The following ZNF385D variants were observed in gnomAD, a reference collection of about 807,000 sequenced individuals.
ZNF385D encodes the protein zinc finger protein 659.
ZNF385D carries 15 observed loss-of-function variants against 35.8 expected under a neutral mutation model. The ratio of observed to expected loss-of-function variants is 0.42; its 90% confidence interval spans 0.28 to 0.64. The LOEUF is 0.64. Among genes scored for constraint, ZNF385D ranks in the 30% least tolerant of loss-of-function variants. ZNF385D has a pLI of 0.23. For synonymous variants in ZNF385D, 212 were observed against 186.8 expected (o/e 1.13, Z -1.10); for missense variants, 474 against 494.6 (o/e 0.96, Z 0.39).
At chr3:21,421,546 A>C (rs1038278374) in intron 7 of ZNF385D, 99 bp from the exon 8 acceptor site, 2 of 735,872 alleles carry the variant, frequency 2.7e-6, no homozygotes, top group Non-Finnish European at 2.2e-6. Context: ...GCAGTAAACA[A>C]CTATAAAGAA....
intron 2 of ZNF385D, among the ~76,000 whole-genome samples, chr3:21,567,072 A>C (rs1204507370): frequency 6.6e-6 from 1 of 152,122 alleles, no homozygotes; most frequent in African/African-American, 2.4e-5. Context: ...GTAAGGATGC[A>C]CTACATGTAT....
intron 4 of ZNF385D, among the ~76,000 whole-genome samples, chr3:21,502,866 C>T (rs983812494): frequency 2.0e-5 from 3 of 152,172 alleles, no homozygotes; most frequent in African/African-American, 7.2e-5. Flanking sequence ...GCACTCCAGG[C>T]ACAAATGGTT....
At chr3:21,706,400 C>CA (rs1443597621) in intron 1 of ZNF385D, among the ~76,000 whole-genome samples, 1 of 151,150 alleles carries the variant, frequency 6.6e-6, no homozygotes, top group Non-Finnish European at 1.5e-5. Context: ...TATATTTCTC[C>CA]AAAAAAAAGT....
intron 1 of ZNF385D, among the ~76,000 whole-genome samples, chr3:21,723,034 C>T (rs905806996): frequency 6.6e-6 from 1 of 152,148 alleles, no homozygotes; most frequent in Non-Finnish European, 1.5e-5. Context: ...CAGAGCTGAG[C>T]CTGCTCATGT....
chr3:21,573,433 T>A (rs1313800863), intron 2 of ZNF385D, among the ~76,000 whole-genome samples: 1 of 151,836 alleles, frequency 6.6e-6, no homozygotes, highest in Non-Finnish European at 1.5e-5. Context: ...TTGGGAAAAA[T>A]GGAGAAAAAT....
At chr3:21,607,322 A>T (rs994752448) in intron 2 of ZNF385D, among the ~76,000 whole-genome samples, 2 of 152,202 alleles carry the variant, frequency 1.3e-5, no homozygotes, top group Non-Finnish European at 2.9e-5. Flanking sequence ...AGTGGCATTT[A>T]TTTTTATTGT....
chr3:21,551,715 C>T (rs2062573507), intron 3 of ZNF385D, among the ~76,000 whole-genome samples: 3 of 151,960 alleles, frequency 2.0e-5, no homozygotes, highest in Admixed American at 2.0e-4. Context: ...TCCACATAAC[C>T]CCATGTATGT....
intron 2 of ZNF385D, among the ~76,000 whole-genome samples, chr3:22,223,621 A>T (rs1028277301): frequency 2.0e-5 from 3 of 152,170 alleles, no homozygotes; most frequent in Non-Finnish European, 4.4e-5. Flanking sequence ...AGTGTTAATT[A>T]AAAGCATACT....
intron 2 of ZNF385D, among the ~76,000 whole-genome samples, chr3:22,250,425 G>GA (rs540307874): frequency 1.6e-4 from 24 of 152,008 alleles, no homozygotes; most frequent in Non-Finnish European, 2.4e-4. Context: ...ATAAGCAGAA[G>GA]AAAAAAATGC....
intron 3 of ZNF385D, among the ~76,000 whole-genome samples, chr3:22,101,846 G>A (rs1701960358): frequency 6.6e-6 from 1 of 151,838 alleles, no homozygotes; most frequent in South Asian, 2.1e-4. Flanking sequence ...TAAATCATCT[G>A]GTGACTATAT....
chr3:21,948,186 T>G (rs1701888874), intron 3 of ZNF385D, among the ~76,000 whole-genome samples: 1 of 152,144 alleles, frequency 6.6e-6, no homozygotes, highest in Admixed American at 6.5e-5. Flanking sequence ...TCTTCTCTTT[T>G]CTTAATTATA....
At chr3:22,138,458 C>T (rs944899523) in intron 3 of ZNF385D, among the ~76,000 whole-genome samples, 4 of 151,966 alleles carry the variant, frequency 2.6e-5, no homozygotes, top group African/African-American at 9.7e-5. Flanking sequence ...GGTACTGGTA[C>T]CAAAACAGAG....
chr3:21,941,490 C>CTTTT (rs531693623), intron 3 of ZNF385D, among the ~76,000 whole-genome samples: 37 of 63,604 alleles, frequency 5.8e-4, no homozygotes, highest in African/African-American at 1.2e-3. Context: ...TTCCATTACT[C>CTTTT]TTTTTTTTTT....
chr3:21,840,513 A>T (rs1203776809), intron 3 of ZNF385D, among the ~76,000 whole-genome samples: 1 of 152,048 alleles, frequency 6.6e-6, no homozygotes, highest in Non-Finnish European at 1.5e-5. Flanking sequence ...GAATAACGGT[A>T]TGCCCAATAC....
At chr3:21,610,338 T>C (rs1349389591) in intron 2 of ZNF385D, among the ~76,000 whole-genome samples, 1 of 152,214 alleles carries the variant, frequency 6.6e-6, no homozygotes, top group Non-Finnish European at 1.5e-5. Context: ...ATAATGATAC[T>C]AACTTTGAGT....
At chr3:22,087,495 T>C (rs1701108126) in intron 3 of ZNF385D, among the ~76,000 whole-genome samples, 1 of 152,176 alleles carries the variant, frequency 6.6e-6, no homozygotes, top group African/African-American at 2.4e-5. Flanking sequence ...TCTCCTTCCT[T>C]TGCCTAGGTC....
intron 3 of ZNF385D, among the ~76,000 whole-genome samples, chr3:21,513,052 A>T (rs1010257002): frequency 6.6e-6 from 1 of 152,154 alleles, no homozygotes; most frequent in Non-Finnish European, 1.5e-5. Context: ...TCCAAAATAG[A>T]CATTTCATAG....
intron 3 of ZNF385D, among the ~76,000 whole-genome samples, chr3:22,167,339 T>C (rs922832009): frequency 2.0e-4 from 31 of 152,176 alleles, no homozygotes; most frequent in Admixed American, 2.0e-3. Flanking sequence ...TGTACTCTCC[T>C]ATTCTGAGCC....
chr3:21,864,454 G>C (rs982272250), intron 3 of ZNF385D, among the ~76,000 whole-genome samples: 1 of 152,038 alleles, frequency 6.6e-6, no homozygotes, highest in Middle Eastern at 3.2e-3. Context: ...AGTGTAACTG[G>C]AAAAGTTCCT....
Sources: gnomAD v4.1 joint callset for allele counts (sites outside exome capture counted in the v4.1 genomes callset) on GRCh38, gnomAD v4.1.1 for gene constraint, MANE v1.5 for transcripts, NCBI Gene and HGNC (gene_info 2026-07-23, HGNC 2026-07-21) for gene names.